Variants in SEPHS1 observed in about 807,000 individuals in gnomAD.
SEPHS1 encodes zincore component SEPHS1.
A neutral mutation model predicts 39.2 loss-of-function variants in SEPHS1; 7 were observed. The ratio of observed to expected loss-of-function variants is 0.18; its 90% confidence interval spans 0.10 to 0.34. The LOEUF is 0.34. SEPHS1 is among the 10% of genes least tolerant of loss of function. The pLI, the probability that SEPHS1 is intolerant of heterozygous loss-of-function variation, is 1.00. For synonymous variants in SEPHS1, 190 were observed against 195.5 expected, an observed-to-expected ratio of 0.97 and a Z score of 0.23; for missense variants, 253 against 514.5, an observed-to-expected ratio of 0.49 and a Z score of 4.92.
intron 5 of SEPHS1, among the ~76,000 whole-genome samples, chr10:13,333,345 C>T (rs968107265): frequency 5.9e-5 from 9 of 151,696 alleles, no homozygotes; most frequent in Admixed American, 4.0e-4. Context: ...GTTGGTCAGG[C>T]TGGTCTCAAA....
At chr10:13,327,548 T>C (rs1006765165) in intron 7 of SEPHS1, among the ~76,000 whole-genome samples, 1 of 152,210 alleles carries the variant, frequency 6.6e-6, no homozygotes, top group Non-Finnish European at 1.5e-5. Flanking sequence ...AATTCTTTTA[T>C]AGTAGAAAAA....
chr10:13,338,702 T>C lies in SEPHS1; in HGVS notation c.297+3A>G, dbSNP rs770464727. 12 of 1,611,556 alleles carry C rather than the reference T, an allele frequency of 7.4e-6. No individual in the cohort carries two copies. The South Asian group carries it at 1.3e-4, about 18-fold the overall frequency. On this transcript the variant is annotated splice_donor_region_variant and intron_variant, in intron 3 of 8. Transcript: ENST00000327347. Reference sequence around the variant, plus strand: ...TCACAAAAACACATCGGCTCACGCTTACCATCATGTAAGGGTCGTCTACGA... The same window carrying C: ...TCACAAAAACACATCGGCTCACGCTCACCATCATGTAAGGGTCGTCTACGA...
At chr10:13,343,612 G>A (rs909743362) in intron 2 of SEPHS1, among the ~76,000 whole-genome samples, 4 of 152,044 alleles carry the variant, frequency 2.6e-5, no homozygotes, top group African/African-American at 7.2e-5. Flanking sequence ...TCAGGAGTTC[G>A]AGAACAGCCT....
intron 2 of SEPHS1, among the ~76,000 whole-genome samples, chr10:13,343,088 G>C (rs1327145471): frequency 2.0e-5 from 3 of 152,064 alleles, no homozygotes; most frequent in African/African-American, 7.2e-5. Context: ...AGGAGGGCTG[G>C]GTGACATTCA....
At chr10:13,328,211 C>A in intron 7 of SEPHS1, 140 bp downstream of exon 7, 2 of 601,890 alleles carry the variant, frequency 3.3e-6, no homozygotes, top group Non-Finnish European at 5.9e-6. Context: ...GGAATGCCAA[C>A]CTGGTACCAG....
intron 5 of SEPHS1, among the ~76,000 whole-genome samples, chr10:13,332,561 C>A (rs1335923212): frequency 6.6e-6 from 1 of 152,078 alleles, no homozygotes; most frequent in Admixed American, 6.6e-5. Context: ...CCTAAAATGT[C>A]AGCCGGGCGC....
At chr10:13,338,659 AC>A (rs1351087848) in intron 3 of SEPHS1, 45 bp downstream of exon 3, 1 of 1,486,604 alleles carries the variant, frequency 6.7e-7, no homozygotes, top group Non-Finnish European at 9.4e-7. Flanking sequence ...CCCAAACCAA[AC>A]AAATAAGCCC....
At chr10:13,328,559 C>CT in intron 6 of SEPHS1, 109 bp from the exon 7 acceptor site, 1 of 759,044 alleles carries the variant, frequency 1.3e-6, no homozygotes, top group Non-Finnish European at 2.2e-6. Context: ...CTTCTAGGGA[C>CT]TTTAATTCAG....
intron 1 of SEPHS1, among the ~76,000 whole-genome samples, chr10:13,347,523 C>G (rs1833961910): frequency 1.4e-5 from 2 of 146,108 alleles, no homozygotes; most frequent in South Asian, 4.2e-4. Flanking sequence ...CGGCGGGCAC[C>G]GCGCGTGCGG....
At chr10:13,321,744 G>A (rs1468900993) in intron 8 of SEPHS1, among the ~76,000 whole-genome samples, 3 of 152,266 alleles carry the variant, frequency 2.0e-5, no homozygotes, top group Non-Finnish European at 4.4e-5. Flanking sequence ...AGCTGGGGCT[G>A]CGGGAGTGGG....
chr10:13,346,814 A>C (rs535669818), intron 1 of SEPHS1, among the ~76,000 whole-genome samples: 230 of 152,236 alleles, frequency 1.5e-3, no homozygotes, highest in African/African-American at 5.2e-3. Flanking sequence ...AAAGGTGGGG[A>C]GGGGAATTGT....
chr10:13,320,215 G>A (rs1833063505), intron 8 of SEPHS1, among the ~76,000 whole-genome samples: 1 of 150,140 alleles, frequency 6.7e-6, no homozygotes, highest in South Asian at 2.1e-4. Context: ...ACGGAGTCTC[G>A]CTGTCTCCCA....
At chr10:13,341,337 G>C (rs2130691727) in intron 2 of SEPHS1, among the ~76,000 whole-genome samples, 1 of 152,280 alleles carries the variant, frequency 6.6e-6, no homozygotes, top group East Asian at 1.9e-4. Context: ...AACAGTTTAG[G>C]TTTAATGACC....
chr10:13,335,862 C>G (rs1257195466), intron 4 of SEPHS1, among the ~76,000 whole-genome samples: 2 of 151,228 alleles, frequency 1.3e-5, no homozygotes, highest in Non-Finnish European at 2.9e-5. Context: ...TGCCTGTAAT[C>G]CCAGCTACTT....
chr10:13,345,788 A>G (rs1167815063), intron 1 of SEPHS1, among the ~76,000 whole-genome samples: 1 of 152,236 alleles, frequency 6.6e-6, no homozygotes, highest in African/African-American at 2.4e-5. Flanking sequence ...GAGGCAAGAG[A>G]ATCGCTTGAA....
At chr10:13,336,404 A>G (rs770532029) in intron 3 of SEPHS1, 54 bp from the exon 4 acceptor site, 7 of 1,322,828 alleles carry the variant, frequency 5.3e-6, no homozygotes, top group Non-Finnish European at 6.5e-6. Flanking sequence ...CCATCTGCAG[A>G]AACTGAGTGA....
intron 7 of SEPHS1, among the ~76,000 whole-genome samples, chr10:13,326,669 T>A (rs960262411): frequency 1.1e-4 from 16 of 151,640 alleles, no homozygotes; most frequent in East Asian, 2.0e-4. Context: ...CACCTCAGCC[T>A]CTCGAGTAGC....
At chr10:13,321,525 T>C (rs1487234325) in intron 8 of SEPHS1, among the ~76,000 whole-genome samples, 1 of 152,162 alleles carries the variant, frequency 6.6e-6, no homozygotes, top group Non-Finnish European at 1.5e-5. Context: ...CCACCAGGCC[T>C]GGCCGGCATG....
chr10:13,324,455 G>A (rs566772636), intron 7 of SEPHS1, among the ~76,000 whole-genome samples: 6 of 152,286 alleles, frequency 3.9e-5, no homozygotes, highest in Middle Eastern at 3.4e-3. Context: ...GAATATCAAG[G>A]AGCACAATCG....
Sources: gnomAD v4.1 joint callset for allele counts (sites outside exome capture counted in the v4.1 genomes callset) on GRCh38, gnomAD v4.1.1 for gene constraint, MANE v1.5 for transcripts, NCBI Gene and HGNC (gene_info 2026-07-23, HGNC 2026-07-21) for gene names.